Variants in AKT1 observed in about 807,000 individuals in gnomAD.
AKT1 encodes the protein RAC-alpha serine/threonine-protein kinase.
Under a neutral mutation model 63.1 loss-of-function variants are expected in AKT1, and 21 were observed. That is an observed-to-expected ratio of 0.33 (90% CI 0.24 to 0.48). The LOEUF (loss-of-function observed/expected upper bound fraction) is 0.48, where lower values mean the gene tolerates loss of function less well. Among genes scored for constraint, AKT1 ranks in the 20% least tolerant of loss-of-function variants. The pLI is 0.99. For synonymous variants in AKT1, 257 were observed against 253.1 expected (o/e 1.02, Z -0.15); for missense variants, 382 against 666.0 (o/e 0.57, Z 4.69).
chr14:104,792,914 A>G, intron 2 of AKT1, 192 bp from the exon 3 acceptor site: 1 of 587,134 alleles, frequency 1.7e-6, no homozygotes, highest in East Asian at 2.8e-5. Context: ...CAAAACACTC[A>G]GGGCTGCCAA....
At chr14:104,787,370 C>T (rs1166424277) in intron 3 of AKT1, among the ~76,000 whole-genome samples, 1 of 152,040 alleles carries the variant, frequency 6.6e-6, no homozygotes, top group Non-Finnish European at 1.5e-5. Context: ...CTCCTGAGGC[C>T]ATGGGACTAG....
chr14:104,780,335 G>C, intron 3 of AKT1, 119 bp from the exon 4 acceptor site: 1 of 1,392,844 alleles, frequency 7.2e-7, no homozygotes, highest in Non-Finnish European at 9.7e-7. Flanking sequence ...AGTCCCAGGG[G>C]GCAGGCGCGG....
At chr14:104,774,727 C>T (rs1395538081) in intron 8 of AKT1, 5 of 602,086 alleles carry the variant, frequency 8.3e-6, no homozygotes, top group Non-Finnish European at 1.4e-5. Context: ...CACCCACCTG[C>T]CCGCACACGG....
chr14:104,775,213 G>A lies in AKT1; in HGVS notation c.436-6C>T. ...TACTCAAACTCGTTCATGGTCTATG[G>A]GCAGGCACCAGGGTCAGCAAGCGGC... is the stretch of plus-strand genomic sequence containing the variant. On this transcript the variant is annotated splice_region_variant and splice_polypyrimidine_tract_variant and intron_variant, in intron 6 of 14. Transcript: ENST00000649815. 1 of 1,613,582 alleles carries A rather than the reference G, an allele frequency of 6.2e-7. No homozygotes were observed. Among genetic ancestry groups the A allele is most frequent in the Non-Finnish European group, 8.5e-7 (1 of 1,180,024 alleles).
In AKT1 at chr14:104,772,778, G is replaced by A. The variant is rs920410785; in HGVS notation, c.1172+100C>T. ...AGGACATCAAGCTTTGGCTATCAGT[G>A]TAGTCTGGGAGGTGCCAGGACCGCC... is the stretch of plus-strand genomic sequence containing the variant. On this transcript the variant is annotated intron_variant, in intron 12 of 14. Coordinates refer to ENST00000649815, the MANE Select transcript of AKT1 (RefSeq NM_001382430.1). The A allele has an allele frequency of 7.9e-6, 10 of 1,267,772 alleles. No individual in the cohort carries two copies. The African/African-American group carries it at 1.0e-4, about 13-fold the overall frequency. The allele number at this position is 1,267,772 out of a possible 1,614,324, so 78.5% of individuals were successfully genotyped here. A position where few individuals can be genotyped will look rare whatever the true frequency, so the allele number is the denominator to read the frequency against.
intron 3 of AKT1, among the ~76,000 whole-genome samples, chr14:104,791,986 G>T (rs1423651060): frequency 1.3e-5 from 2 of 152,088 alleles, no homozygotes; most frequent in Non-Finnish European, 2.9e-5. Context: ...GGTTGGAAGG[G>T]GTGGGGCTAT....
At chr14:104,779,339 G>T (rs368628311) in intron 4 of AKT1, among the ~76,000 whole-genome samples, 128 of 152,356 alleles carry the variant, frequency 8.4e-4, no homozygotes, top group African/African-American at 3.0e-3. Context: ...CTGCCATGGG[G>T]TCTGGAGGCT....
rs1892257266 is a variant in AKT1, at chr14:104,769,527, G to A, written c.*814C>T. ...CCACCCCCACAGGGAGTCAGGGAGG[G>A]CCTGGGGCGACAGCGGAAAGGTTAA... On this transcript the variant is annotated 3_prime_UTR_variant, in exon 15 of 15. Coordinates refer to ENST00000649815, the MANE Select transcript of AKT1 (RefSeq NM_001382430.1). The A allele has an allele frequency of 3.7e-6, 2 of 533,642 alleles. No homozygotes were observed. Among genetic ancestry groups the A allele is most frequent in the Non-Finnish European group, 7.3e-6 (2 of 275,716 alleles). The allele number at this position is 533,642 out of a possible 1,614,324, so 33.1% of individuals were successfully genotyped here.
rs1892339248 is a variant in AKT1, at chr14:104,770,726, G to A, written c.1363+19C>T. 6.2e-7 allele frequency: 1 copy of A among 1,603,228 alleles called. No homozygotes were observed. On this transcript the variant is annotated intron_variant, in intron 14 of 14. Coordinates refer to ENST00000649815, the MANE Select transcript of AKT1 (RefSeq NM_001382430.1). ...TGGAGAGAAAAGGGAGTGGGCGGGGGCAGGCAGTGGCCCCTCACCTTGGTC... is the reference window on the plus strand; with the variant it reads ...TGGAGAGAAAAGGGAGTGGGCGGGGACAGGCAGTGGCCCCTCACCTTGGTC...
chr14:104,781,224 G>C (rs1037135562), intron 3 of AKT1, among the ~76,000 whole-genome samples: 2 of 152,130 alleles, frequency 1.3e-5, no homozygotes, highest in Non-Finnish European at 2.9e-5. Context: ...CTTCATCTGA[G>C]GGGTCACTGG....
intron 12 of AKT1, 64 bp from the exon 13 acceptor site, chr14:104,772,516 C>A: frequency 6.5e-7 from 1 of 1,544,932 alleles, no homozygotes; most frequent in Non-Finnish European, 8.9e-7. Flanking sequence ...GGGTTCAGGC[C>A]CCTTCCTCCT....
intron 12 of AKT1, 106 bp downstream of exon 12, chr14:104,772,772 A>T: frequency 8.2e-7 from 1 of 1,219,492 alleles, no homozygotes; most frequent in Non-Finnish European, 1.1e-6. Flanking sequence ...AGCTTTGGCT[A>T]TCAGTGTAGT....
chr14:104,794,892 CTTGG>C (rs1893810140), intron 1 of AKT1: 1 of 152,348 alleles, frequency 6.6e-6, no homozygotes, highest in African/African-American at 2.4e-5. Flanking sequence ...CCCTCCAAGC[CTTGG>C]CCTCTGGGAT....
In AKT1 at chr14:104,780,597, C is replaced by T. The variant is rs190077851; in HGVS notation, c.47-381G>A. Among the ~76,000 whole-genome samples, 157 of 152,312 alleles carry T rather than the reference C, an allele frequency of 1.0e-3. 1 individual carries two copies. The highest frequency in any genetic ancestry group is 3.5e-3 in the South Asian group (17 of 4,830). On this transcript the variant is annotated intron_variant, in intron 3 of 14. Coordinates refer to ENST00000649815, the MANE Select transcript of AKT1 (RefSeq NM_001382430.1). ...TCCCCAGCAGGCACCAGCAGCAGCT[C>T]GGGCCCCAGCTATGGCCACAGGGGC...
chr14:104,789,972 C>T lies in AKT1; in HGVS notation c.46+2626G>A, dbSNP rs61758559. Among the ~76,000 whole-genome samples, 684 of 152,364 alleles carry T rather than the reference C, an allele frequency of 4.5e-3. 1 individual carries two copies. Among genetic ancestry groups the T allele is most frequent in the Non-Finnish European group, 7.8e-3 (533 of 68,036 alleles). On this transcript the variant is annotated intron_variant, in intron 3 of 14. Transcript: ENST00000649815. ...GCACACACATCAGAACAACAGAAAGCAGCCTGGGCCACTTCCCAGAGATGA... is the reference window on the plus strand; with the variant it reads ...GCACACACATCAGAACAACAGAAAGTAGCCTGGGCCACTTCCCAGAGATGA...
At chr14:104,774,819 G>C in intron 8 of AKT1, 119 bp downstream of exon 8, 1 of 1,128,344 alleles carries the variant, frequency 8.9e-7, no homozygotes, top group Non-Finnish European at 1.3e-6. Context: ...ACCAGCGGCG[G>C]AGTCCACGGT....
intron 3 of AKT1, among the ~76,000 whole-genome samples, chr14:104,780,713 G>GGCCCCCCCCCCCCCCCCCCCCCCCCCC: frequency 6.6e-6 from 1 of 150,840 alleles, no homozygotes; most frequent in Admixed American, 6.6e-5. Flanking sequence ...CAGCATGGCC[G>GGCCCCCCCCCCCCCCCCCCCCCCCCCC]CCCCCCCCGC....
chr14:104,774,128 TGATACCACACCGCCC>T (rs1892567942), intron 8 of AKT1, 148 bp from the exon 9 acceptor site: 1 of 700,962 alleles, frequency 1.4e-6, no homozygotes, highest in Non-Finnish European at 2.5e-6. Context: ...CCACGCTGCC[TGATACCACACCGCCC>T]GATACCACAC....
Position 104,775,128 on chromosome 14 carries a change from G to C in AKT1, c.515C>G (p.Thr172Arg), listed in dbSNP as rs748789094. ...GATCTTCATGGCGTAGTAGCGGCCTGTGGCCTTCTCCTTCACCAGGATCAC... is the reference window on the plus strand; with the variant it reads ...GATCTTCATGGCGTAGTAGCGGCCTCTGGCCTTCTCCTTCACCAGGATCAC... ...GKVILVKEKA[T>R]GRYYAMKILK... Residue 172 changes from threonine to arginine, a missense_variant, in exon 7 of 15, where the codon ACA becomes AGA. Thr to Arg is a moderately conservative substitution (Grantham distance 71). Around this residue, in one of 3 missense-constraint regions of AKT1, gnomAD observed 226 missense variants for 366.4 expected, o/e 0.62. Transcript: ENST00000649815. 6.2e-7 allele frequency: 1 copy of C among 1,614,138 alleles called. No individual in the cohort carries two copies. Among genetic ancestry groups the C allele is most frequent in the Non-Finnish European group, 8.5e-7 (1 of 1,180,042 alleles).
Sources: gnomAD v4.1 joint callset for allele counts (sites outside exome capture counted in the v4.1 genomes callset) on GRCh38, gnomAD v4.1.1 for gene constraint, gnomAD v4.1.1 regional missense constraint, MANE v1.5 for transcripts, NCBI Gene and HGNC (gene_info 2026-07-23, HGNC 2026-07-21) for gene names.